ERBB4: variants seen among roughly 807,000 people sequenced by gnomAD.
ERBB4 encodes erb-b2 receptor tyrosine kinase 4, also known as receptor tyrosine-protein kinase erbB-4.
Under a neutral mutation model 158.0 loss-of-function variants are expected in ERBB4, and 42 were observed. The observed-to-expected ratio is 0.27, with a 90% CI of 0.21 to 0.34. ERBB4 has a LOEUF of 0.34. Ranked by LOEUF, ERBB4 falls within the 10% of genes least tolerant of loss-of-function variation. The pLI is 1.00. For missense variants in ERBB4, 1,333 were observed against 1,624.1 expected (o/e 0.82, Z 3.08); for synonymous variants, 583 against 558.7 (o/e 1.04, Z -0.61).
intron 1 of ERBB4, among the ~76,000 whole-genome samples, chr2:212,302,874 T>G (rs1289055663): frequency 2.0e-5 from 3 of 151,464 alleles, no homozygotes; most frequent in Non-Finnish European, 4.4e-5. Flanking sequence ...TTTCTATGTA[T>G]AGACATAAAA....
At chr2:211,831,510 A>G (rs2077219270) in intron 3 of ERBB4, among the ~76,000 whole-genome samples, 1 of 152,202 alleles carries the variant, frequency 6.6e-6, no homozygotes, top group South Asian at 2.1e-4. Flanking sequence ...TAGTGTTTCT[A>G]CAAACATGAC....
At chr2:212,427,842 T>C (rs1318693360) in intron 1 of ERBB4, among the ~76,000 whole-genome samples, 1 of 152,088 alleles carries the variant, frequency 6.6e-6, no homozygotes, top group Non-Finnish European at 1.5e-5. Flanking sequence ...AGCAGGCCAA[T>C]GCTTGCTTAG....
chr2:211,927,723 T>A (rs1193903592), intron 3 of ERBB4, among the ~76,000 whole-genome samples: 2 of 152,082 alleles, frequency 1.3e-5, no homozygotes, highest in South Asian at 2.1e-4. Context: ...TTTTTTTTTT[T>A]AAGTCATTTT....
chr2:211,568,004 G>A (rs1170910167), intron 19 of ERBB4, among the ~76,000 whole-genome samples: 2 of 152,030 alleles, frequency 1.3e-5, no homozygotes, highest in African/African-American at 4.8e-5. Context: ...ACCTATGGAG[G>A]CAATTTTGGA....
chr2:211,941,215 C>A (rs1275065853), intron 3 of ERBB4, among the ~76,000 whole-genome samples: 1 of 151,356 alleles, frequency 6.6e-6, no homozygotes, highest in Non-Finnish European at 1.5e-5. Context: ...TTGATCTAAT[C>A]ATTTTCCAAG....
At chr2:211,609,413 T>C (rs2069107687) in intron 19 of ERBB4, among the ~76,000 whole-genome samples, 1 of 152,078 alleles carries the variant, frequency 6.6e-6, no homozygotes, top group Non-Finnish European at 1.5e-5. Context: ...TCAATTAATA[T>C]TAGATCACAC....
chr2:212,224,843 T>C (rs1185094220), intron 1 of ERBB4, among the ~76,000 whole-genome samples: 1 of 152,096 alleles, frequency 6.6e-6, no homozygotes, highest in Non-Finnish European at 1.5e-5. Flanking sequence ...TTTTTAAATT[T>C]GAAATATTTT....
chr2:211,912,151 A>C (rs746458165), intron 3 of ERBB4, among the ~76,000 whole-genome samples: 3 of 152,172 alleles, frequency 2.0e-5, no homozygotes, highest in Admixed American at 1.3e-4. Flanking sequence ...GTGTCCAGTA[A>C]ATCTACATTT....
intron 1 of ERBB4, among the ~76,000 whole-genome samples, chr2:212,319,375 T>C (rs74800522): frequency 0.011 from 1,708 of 150,532 alleles, 87 homozygotes; most frequent in Middle Eastern, 0.044. Flanking sequence ...TGTTTGTTGT[T>C]TTTTATGATT....
At chr2:212,494,218 T>G (rs1690437302) in intron 1 of ERBB4, among the ~76,000 whole-genome samples, 1 of 151,898 alleles carries the variant, frequency 6.6e-6, no homozygotes, top group African/African-American at 2.4e-5. Context: ...AGTAAATCAA[T>G]GCCTTTGTGT....
At chr2:211,690,312 C>T (rs2072755011) in intron 12 of ERBB4, among the ~76,000 whole-genome samples, 3 of 152,190 alleles carry the variant, frequency 2.0e-5, no homozygotes, top group Middle Eastern at 6.8e-3. Flanking sequence ...CTTGTCCCTT[C>T]CCCTTACCTC....
intron 20 of ERBB4, among the ~76,000 whole-genome samples, chr2:211,456,856 G>A (rs542718397): frequency 3.9e-5 from 6 of 152,088 alleles, no homozygotes; most frequent in South Asian, 4.1e-4. Context: ...GAGGTGGAGC[G>A]CAGGCAGTAA....
At chr2:211,629,247 CA>C (rs1386506851) in intron 17 of ERBB4, among the ~76,000 whole-genome samples, 1 of 152,032 alleles carries the variant, frequency 6.6e-6, no homozygotes, top group Non-Finnish European at 1.5e-5. Context: ...TCTTATACAC[CA>C]ATAACAGACA....
intron 2 of ERBB4, among the ~76,000 whole-genome samples, chr2:212,095,803 T>C (rs10932421): frequency 0.69 from 104,042 of 150,264 alleles, 40,103 homozygotes; most frequent in East Asian, 1. Context: ...GGCGTGGTGG[T>C]GGGCGCCTGT....
intron 1 of ERBB4, among the ~76,000 whole-genome samples, chr2:212,385,530 T>C (rs2090648129): frequency 6.6e-6 from 1 of 151,908 alleles, no homozygotes; most frequent in East Asian, 1.9e-4. Context: ...CTTCTTGATA[T>C]AAACCAAAAG....
At chr2:211,653,641 T>C (rs2071093483) in intron 16 of ERBB4, among the ~76,000 whole-genome samples, 1 of 152,014 alleles carries the variant, frequency 6.6e-6, no homozygotes, top group South Asian at 2.1e-4. Flanking sequence ...CCAGTTAAAA[T>C]ATGGTTTAAG....
intron 1 of ERBB4, among the ~76,000 whole-genome samples, chr2:212,192,131 A>T (rs1323030303): frequency 9.4e-6 from 1 of 106,406 alleles, no homozygotes; most frequent in South Asian, 2.9e-4. Flanking sequence ...ATTATGTGTT[A>T]TGTTATCTAT....
At chr2:211,445,159 A>T (rs2064080025) in intron 20 of ERBB4, among the ~76,000 whole-genome samples, 2 of 152,138 alleles carry the variant, frequency 1.3e-5, no homozygotes, top group Admixed American at 1.3e-4. Context: ...CGTGCACAGC[A>T]GTTACTAAAA....
intron 2 of ERBB4, among the ~76,000 whole-genome samples, chr2:212,116,016 T>C (rs2079561430): frequency 6.6e-6 from 1 of 152,094 alleles, no homozygotes; most frequent in Non-Finnish European, 1.5e-5. Flanking sequence ...AAAAAAACTT[T>C]TTGCAAACAG....
Sources: gnomAD v4.1 joint callset for allele counts (sites outside exome capture counted in the v4.1 genomes callset) on GRCh38, gnomAD v4.1.1 for gene constraint, MANE v1.5 for transcripts, NCBI Gene and HGNC (gene_info 2026-07-23, HGNC 2026-07-21) for gene names.